ZNF804B: variants seen among roughly 807,000 people sequenced by gnomAD.
ZNF804B encodes zinc finger protein 804B, also known as zinc finger 804B.
In ZNF804B, 80 loss-of-function variants were observed where a neutral mutation model predicts 101.4. The observed-to-expected ratio is 0.79, with a 90% CI of 0.66 to 0.95. ZNF804B has a LOEUF of 0.95. ZNF804B is among the 40% of genes least tolerant of loss of function. The probability of loss-of-function intolerance (pLI) is 0.00; values close to 1 mark genes in which losing one functional copy is unlikely to be tolerated. For synonymous variants in ZNF804B, 622 were observed against 558.8 expected, an observed-to-expected ratio of 1.11 and a Z score of -1.59; for missense variants, 1,673 against 1,561.9, an observed-to-expected ratio of 1.07 and a Z score of -1.20.
intron 1 of ZNF804B, among the ~76,000 whole-genome samples, chr7:88,963,992 A>G (rs892175700): frequency 1.3e-5 from 2 of 151,396 alleles, no homozygotes; most frequent in African/African-American, 2.4e-5. Flanking sequence ...GGCTATTACT[A>G]AAAGAAAGCT....
intron 2 of ZNF804B, among the ~76,000 whole-genome samples, chr7:89,290,889 C>G (rs1363082515): frequency 6.6e-6 from 1 of 152,120 alleles, no homozygotes. Flanking sequence ...CCAGTGGCCA[C>G]AGGGGTACTA....
intron 1 of ZNF804B, among the ~76,000 whole-genome samples, chr7:89,044,512 A>T (rs1203632410): frequency 6.6e-6 from 1 of 152,180 alleles, no homozygotes. Flanking sequence ...GCTTACAAGA[A>T]GATAAGAAAA....
intron 1 of ZNF804B, among the ~76,000 whole-genome samples, chr7:88,863,251 T>C (rs1791677451): frequency 6.6e-6 from 1 of 152,208 alleles, no homozygotes; most frequent in Admixed American, 6.5e-5. Context: ...TCGGCTTCCT[T>C]AATACTTATT....
In ZNF804B at chr7:88,944,207, C is replaced by G. The variant is rs938281217; in HGVS notation, c.108+184123C>G. On this transcript the variant is annotated intron_variant, in intron 1 of 3. Transcript: ENST00000333190. ...TCCAAAGTGGCTATATCATGTTGCA[C>G]TCCCACCAGTAGTCTGTGAGAGTTT... is the stretch of plus-strand genomic sequence containing the variant. Among the ~76,000 whole-genome samples the G allele has an allele frequency of 4.6e-5, 7 of 151,710 alleles. No homozygotes were observed. The East Asian group carries it at 1.4e-3, about 30-fold the overall frequency.
At chr7:89,044,770 G>A (rs570144768) in intron 1 of ZNF804B, among the ~76,000 whole-genome samples, 1 of 152,150 alleles carries the variant, frequency 6.6e-6, no homozygotes, top group Non-Finnish European at 1.5e-5. Flanking sequence ...AAATTTCTAT[G>A]TGGCAAAATA....
chr7:89,290,220 T>A (rs2115894560), intron 2 of ZNF804B, among the ~76,000 whole-genome samples: 1 of 152,262 alleles, frequency 6.6e-6, no homozygotes, highest in South Asian at 2.1e-4. Flanking sequence ...AATACCCAGT[T>A]AGTATCAAAA....
intron 1 of ZNF804B, among the ~76,000 whole-genome samples, chr7:88,920,355 A>G (rs1321079992): frequency 1.3e-5 from 2 of 152,112 alleles, no homozygotes; most frequent in Non-Finnish European, 2.9e-5. Flanking sequence ...TGGTGATTTT[A>G]TACTAATTTA....
At chr7:88,963,951 C>G (rs1793422899) in intron 1 of ZNF804B, among the ~76,000 whole-genome samples, 1 of 151,258 alleles carries the variant, frequency 6.6e-6, no homozygotes, top group South Asian at 2.1e-4. Context: ...TAGGGAAATG[C>G]AAATTAAAAC....
intron 1 of ZNF804B, among the ~76,000 whole-genome samples, chr7:89,203,313 A>T (rs946658305): frequency 6.6e-6 from 1 of 152,194 alleles, no homozygotes; most frequent in Admixed American, 6.5e-5. Flanking sequence ...ATGCAGGTAT[A>T]TGTGCATAAA....
At position 89,334,682 on chromosome 7, in the gene ZNF804B, C is replaced by T; in HGVS notation, c.1700C>T (p.Thr567Ile). ...TCTGAGCCAAATAAGAGTGAATATA[C>T]TTTCAGTGCAAATGATTTGGAAATG... is the stretch of plus-strand genomic sequence containing the variant. Reference protein sequence around the residue: ...SDSEPNKSEYTFSANDLEMKN... With the variant: ...SDSEPNKSEYIFSANDLEMKN... Residue 567 changes from threonine to isoleucine, a missense_variant, in exon 4 of 4, where the codon ACT (threonine) becomes ATT (isoleucine). Coordinates refer to ENST00000333190, the MANE Select transcript of ZNF804B (RefSeq NM_181646.5). The T allele has an allele frequency of 6.2e-7, 1 of 1,613,648 alleles. No homozygotes were observed. The highest frequency in any genetic ancestry group is 8.5e-7 in the Non-Finnish European group (1 of 1,179,798).
chr7:89,150,808 T>C, intron 1 of ZNF804B, among the ~76,000 whole-genome samples: 1 of 152,126 alleles, frequency 6.6e-6, no homozygotes, highest in East Asian at 1.9e-4. Context: ...TGGCTGAGGC[T>C]TTCTAAGAGG....
chr7:89,239,741 C>T (rs531452821), intron 2 of ZNF804B, among the ~76,000 whole-genome samples: 4 of 151,492 alleles, frequency 2.6e-5, no homozygotes, highest in South Asian at 4.2e-4. Flanking sequence ...AGAAGTTTCG[C>T]CTATAATTTT....
intron 1 of ZNF804B, among the ~76,000 whole-genome samples, chr7:88,945,589 A>ATATGAAATTTAAAGTAG (rs148031896): frequency 0.12 from 17,987 of 150,042 alleles, 1,213 homozygotes; most frequent in South Asian, 0.17. Flanking sequence ...TTTTGGTTCC[A>ATATGAAATTTAAAGTAG]TATGAAATTT....
intron 2 of ZNF804B, among the ~76,000 whole-genome samples, chr7:89,232,222 A>G (rs1789204062): frequency 6.6e-6 from 1 of 152,152 alleles, no homozygotes; most frequent in Admixed American, 6.5e-5. Flanking sequence ...TTAATGTGGT[A>G]TAAGATATTA....
intron 1 of ZNF804B, among the ~76,000 whole-genome samples, chr7:88,870,673 G>GA (rs1393548149): frequency 2.0e-5 from 3 of 152,068 alleles, no homozygotes; most frequent in Non-Finnish European, 1.5e-5. Flanking sequence ...TTATAGTACA[G>GA]AAAAAGGTGA....
At chr7:88,917,512 G>A (rs1792654078) in intron 1 of ZNF804B, among the ~76,000 whole-genome samples, 1 of 152,096 alleles carries the variant, frequency 6.6e-6, no homozygotes, top group South Asian at 2.1e-4. Flanking sequence ...TCAAGTGGAA[G>A]TAGTGATTCA....
At chr7:89,015,922 A>G (rs1788547514) in intron 1 of ZNF804B, among the ~76,000 whole-genome samples, 2 of 151,024 alleles carry the variant, frequency 1.3e-5, no homozygotes, top group African/African-American at 4.8e-5. Context: ...ACTGACTTCC[A>G]CAATGGTTGA....
At chr7:89,176,284 G>A (rs1175708167) in intron 1 of ZNF804B, among the ~76,000 whole-genome samples, 1 of 151,582 alleles carries the variant, frequency 6.6e-6, no homozygotes, top group Non-Finnish European at 1.5e-5. Context: ...GTTTTTTGAG[G>A]GATTTGTTTT....
At chr7:89,188,637 G>T (rs2115606089) in intron 1 of ZNF804B, among the ~76,000 whole-genome samples, 1 of 152,216 alleles carries the variant, frequency 6.6e-6, no homozygotes, top group South Asian at 2.1e-4. Context: ...AATTAACAGT[G>T]CTACTCCAGT....
Sources: gnomAD v4.1 joint callset for allele counts (sites outside exome capture counted in the v4.1 genomes callset) on GRCh38, gnomAD v4.1.1 for gene constraint, MANE v1.5 for transcripts, NCBI Gene and HGNC (gene_info 2026-07-23, HGNC 2026-07-21) for gene names.